PTPRD: variants seen among roughly 807,000 people sequenced by gnomAD.
PTPRD encodes the protein protein tyrosine phosphatase receptor type D.
In PTPRD, 34 loss-of-function variants were observed where a neutral mutation model predicts 214.5. The observed-to-expected ratio is 0.16, with a 90% CI of 0.12 to 0.21. The LOEUF is 0.21. Among genes scored for constraint, PTPRD ranks in the 10% least tolerant of loss-of-function variants. The pLI, the probability that PTPRD is intolerant of heterozygous loss-of-function variation, is 1.00. For missense variants in PTPRD, 2,545 were observed against 2,398.7 expected, an observed-to-expected ratio of 1.06 and a Z score of -1.27; for synonymous variants, 1,128 against 845.7, an observed-to-expected ratio of 1.33 and a Z score of -5.79.
chr9:10,240,998 A>G (rs922570564), intron 3 of PTPRD, among the ~76,000 whole-genome samples: 4 of 146,994 alleles, frequency 2.7e-5, no homozygotes, highest in African/African-American at 9.8e-5. Flanking sequence ...TTTGAAAGAA[A>G]GATATAAATA....
At chr9:9,332,725 A>G (rs2042806651) in intron 9 of PTPRD, among the ~76,000 whole-genome samples, 1 of 151,986 alleles carries the variant, frequency 6.6e-6, no homozygotes, top group Non-Finnish European at 1.5e-5. Flanking sequence ...CTGAGATGGA[A>G]ATATGAAAAT....
chr9:8,526,737 G>C, intron 16 of PTPRD, 93 bp from the exon 17 acceptor site: 2 of 1,019,314 alleles, frequency 2.0e-6, no homozygotes, highest in Non-Finnish European at 2.8e-6. Context: ...AATTAAATTA[G>C]ATTTACAGAA....
intron 8 of PTPRD, among the ~76,000 whole-genome samples, chr9:9,484,330 T>C (rs924480189): frequency 1.3e-5 from 2 of 152,096 alleles, no homozygotes; most frequent in African/African-American, 2.4e-5. Context: ...ATTCCAGTTA[T>C]ATGAACTCCA....
In PTPRD at chr9:10,380,869, T is replaced by C. The variant is rs79783169; in HGVS notation, c.-599-39852A>G. The stretch of plus-strand genomic sequence containing the variant: ...CAATTGTGATTAGTCGATTATGCTA[T>C]GATCAGAATAGTTTTATCATCTTTA... On this transcript the variant is annotated intron_variant, in intron 2 of 45. Transcript: ENST00000381196. 7.8e-3 allele frequency among the ~76,000 whole-genome samples: 1,186 copies of C among 152,132 alleles called. 10 individuals carry two copies. Among genetic ancestry groups the C allele is most frequent in the African/African-American group, 0.026 (1,099 of 41,542 alleles).
At chr9:10,428,887 A>G (rs1055909831) in intron 2 of PTPRD, among the ~76,000 whole-genome samples, 4 of 151,998 alleles carry the variant, frequency 2.6e-5, no homozygotes, top group African/African-American at 9.7e-5. Flanking sequence ...CTGGAGTCAG[A>G]CTCACATGGC....
chr9:8,434,567 T>C (rs2095262627), intron 35 of PTPRD, among the ~76,000 whole-genome samples: 2 of 152,184 alleles, frequency 1.3e-5, no homozygotes, highest in African/African-American at 4.8e-5. Flanking sequence ...GGAGAGTGAA[T>C]TAACGGCTTA....
chr9:10,157,263 T>C (rs897085161), intron 3 of PTPRD, among the ~76,000 whole-genome samples: 1 of 152,214 alleles, frequency 6.6e-6, no homozygotes, highest in East Asian at 1.9e-4. Flanking sequence ...TTGTGACAAT[T>C]GATAAAGGTC....
intron 8 of PTPRD, among the ~76,000 whole-genome samples, chr9:9,526,964 G>C (rs2074271111): frequency 6.6e-6 from 1 of 152,096 alleles, no homozygotes; most frequent in Admixed American, 6.6e-5. Flanking sequence ...GGTATTTCAA[G>C]ATGTATAAGG....
chr9:9,328,276 G>A (rs2040828419), intron 9 of PTPRD, among the ~76,000 whole-genome samples: 2 of 152,078 alleles, frequency 1.3e-5, no homozygotes, highest in Admixed American at 6.6e-5. Context: ...CCAAATAGTG[G>A]CATGTAGGAC....
At chr9:9,403,015 C>T (rs1264527886) in intron 8 of PTPRD, among the ~76,000 whole-genome samples, 4 of 144,732 alleles carry the variant, frequency 2.8e-5, no homozygotes, top group Non-Finnish European at 4.5e-5. Context: ...AGGTGCCAGG[C>T]GCGGTGTCTC....
At chr9:8,913,640 T>A (rs566764544) in intron 11 of PTPRD, among the ~76,000 whole-genome samples, 194 of 152,224 alleles carry the variant, frequency 1.3e-3, no homozygotes, top group Non-Finnish European at 2.1e-3. Context: ...TTTGCAAGAA[T>A]GAGCTTCTTA....
At chr9:10,309,348 G>A (rs1491002016) in intron 3 of PTPRD, among the ~76,000 whole-genome samples, 1 of 150,638 alleles carries the variant, frequency 6.6e-6, no homozygotes, top group Admixed American at 6.6e-5. Flanking sequence ...TTGTTTTTTT[G>A]TTTTGTTGTG....
intron 7 of PTPRD, among the ~76,000 whole-genome samples, chr9:9,679,987 T>C (rs556494340): frequency 1.3e-5 from 2 of 152,078 alleles, no homozygotes; most frequent in South Asian, 2.1e-4. Flanking sequence ...TGCTTTTGAA[T>C]ATAATTTGTT....
chr9:9,868,106 A>G lies in PTPRD; in HGVS notation c.-368+70401T>C, dbSNP rs998020529. ...AGCCCACAGGTGCAGATAGACCACT[A>G]TGCTTTTGGCAGTCTATACCGCTGC... On this transcript the variant is annotated intron_variant, in intron 5 of 45. Coordinates refer to ENST00000381196, the MANE Select transcript of PTPRD (RefSeq NM_002839.4). Among the ~76,000 whole-genome samples the G allele has an allele frequency of 5.3e-5, 8 of 152,296 alleles. No individual in the cohort carries two copies. The East Asian group carries it at 1.4e-3, about 26-fold the overall frequency.
At position 9,797,710 on chromosome 9, in the gene PTPRD, G is replaced by T. The variant is rs10977988; in HGVS notation, c.-367-30859C>A. Among the ~76,000 whole-genome samples the T allele has an allele frequency of 7.4e-3, 1,127 of 151,854 alleles. 5 individuals are homozygous for T. The highest frequency in any genetic ancestry group is 0.013 in the Non-Finnish European group (853 of 67,956). On this transcript the variant is annotated intron_variant, in intron 5 of 45. Coordinates refer to ENST00000381196, the MANE Select transcript of PTPRD (RefSeq NM_002839.4). ...AAAATACAAAAACTAGCCAGGACTT[G>T]TGGCAGGCACCTGTAATCCCAGCTA...
intron 3 of PTPRD, among the ~76,000 whole-genome samples, chr9:10,306,279 G>GT (rs1445434123): frequency 6.6e-6 from 1 of 151,586 alleles, no homozygotes; most frequent in African/African-American, 2.4e-5. Flanking sequence ...TCGTGGGGTG[G>GT]GGGGGGCTAG....
chr9:10,223,268 C>G (rs1019115836), intron 3 of PTPRD, among the ~76,000 whole-genome samples: 5 of 151,786 alleles, frequency 3.3e-5, no homozygotes, highest in Non-Finnish European at 7.4e-5. Flanking sequence ...GTACCTTTTA[C>G]CCTATTTTCC....
chr9:10,012,247 T>C (rs562637262), intron 4 of PTPRD, among the ~76,000 whole-genome samples: 12 of 151,844 alleles, frequency 7.9e-5, no homozygotes, highest in Admixed American at 4.6e-4. Context: ...TATGACCAAA[T>C]TGAAATGAGG....
chr9:8,501,001 C>G lies in PTPRD; in HGVS notation c.1881G>C (p.Leu627Phe). The G allele has an allele frequency of 2.5e-6, 4 of 1,613,616 alleles. No individual in the cohort carries two copies. The highest frequency in any genetic ancestry group is 2.5e-6 in the Non-Finnish European group (3 of 1,179,918). ...CCACTGGTGGAGGTTGCCAACTTAC[C>G]AAAATACTAGTGGAACTTGGGCTGG... ...SCTSPSSTSI[L>F]VSWQPPPVEK... The change falls in exon 24 of 46, where the codon TTG (leucine) becomes TTC (phenylalanine). Residue 627 changes from leucine (L) to phenylalanine (F), a missense_variant. Physicochemically the swap from Leu to Phe is conservative, Grantham distance 22 (BLOSUM62 0). Transcript: ENST00000381196.
Sources: allele counts gnomAD v4.1 joint callset (sites outside exome capture counted in the v4.1 genomes callset), GRCh38; gene constraint gnomAD v4.1.1; transcripts MANE v1.5; gene names NCBI Gene and HGNC (gene_info 2026-07-23, HGNC 2026-07-21).